Variants in RBFOX1 observed in about 807,000 individuals in gnomAD.
RBFOX1 encodes RNA binding protein fox-1 homolog 1.
A neutral mutation model predicts 57.7 loss-of-function variants in RBFOX1; 8 were observed. The observed-to-expected ratio is 0.14, with a 90% CI of 0.08 to 0.25. The LOEUF (loss-of-function observed/expected upper bound fraction) is 0.25. Ranked by LOEUF, RBFOX1 falls within the 10% of genes least tolerant of loss-of-function variation. The probability of loss-of-function intolerance (pLI) is 1.00; values close to 1 mark genes in which losing one functional copy is unlikely to be tolerated. For synonymous variants in RBFOX1, 326 were observed against 222.4 expected (o/e 1.47, Z -4.15); for missense variants, 611 against 548.5 (o/e 1.11, Z -1.14).
chr16:5,590,516 A>T (rs1466738769), intron 2 of RBFOX1, among the ~76,000 whole-genome samples: 3 of 152,188 alleles, frequency 2.0e-5, no homozygotes, highest in Admixed American at 1.3e-4. Context: ...CGGTGTCATT[A>T]TGATGAGCTT....
intron 4 of RBFOX1, among the ~76,000 whole-genome samples, chr16:7,495,255 T>G (rs2068244107): frequency 6.6e-6 from 1 of 152,232 alleles, no homozygotes; most frequent in Non-Finnish European, 1.5e-5. Context: ...TCTCTGCTGT[T>G]GTGAATATTA....
intron 4 of RBFOX1, among the ~76,000 whole-genome samples, chr16:6,009,802 A>ATGTGTGTCTGTG (rs2094949638): frequency 1.7e-5 from 1 of 58,562 alleles, no homozygotes; most frequent in Non-Finnish European, 3.2e-5. Context: ...CAGTGTGTGT[A>ATGTGTGTCTGTG]TGTGTGTGTG....
intron 3 of RBFOX1, among the ~76,000 whole-genome samples, chr16:5,635,166 C>T (rs1191750512): frequency 1.3e-5 from 2 of 152,212 alleles, no homozygotes. Flanking sequence ...GACTTTTCTG[C>T]ATAGTTACAT....
At chr16:6,889,165 C>T (rs1483995425) in intron 3 of RBFOX1, among the ~76,000 whole-genome samples, 2 of 152,136 alleles carry the variant, frequency 1.3e-5, no homozygotes, top group South Asian at 2.1e-4. Flanking sequence ...CAGTAGATCC[C>T]ATTGTTACTG....
intron 2 of RBFOX1, among the ~76,000 whole-genome samples, chr16:5,502,426 T>G (rs1597324944): frequency 6.6e-6 from 1 of 152,142 alleles, no homozygotes; most frequent in South Asian, 2.1e-4. Context: ...TGCCTGAGGG[T>G]CAGGGGGTGG....
At chr16:7,134,700 T>A (rs747780576) in intron 4 of RBFOX1, among the ~76,000 whole-genome samples, 7 of 152,222 alleles carry the variant, frequency 4.6e-5, no homozygotes, top group Non-Finnish European at 8.8e-5. Flanking sequence ...AAATCCTGAC[T>A]GTGAAAACTA....
intron 4 of RBFOX1, among the ~76,000 whole-genome samples, chr16:7,416,384 G>C (rs183702767): frequency 6.6e-4 from 100 of 152,274 alleles, no homozygotes; most frequent in South Asian, 1.7e-3. Context: ...ATTCCCTGTA[G>C]TTCTTCTCTC....
At position 7,602,023 on chromosome 16, in the gene RBFOX1, T is replaced by C. The variant is rs982920121; in HGVS notation, c.622+4592T>C. Among the ~76,000 whole-genome samples, 9 of 152,228 alleles carry C rather than the reference T, an allele frequency of 5.9e-5. 1 individual carries two copies. The highest frequency in any genetic ancestry group is 4.1e-4 in the South Asian group (2 of 4,838). On this transcript the variant is annotated intron_variant, in intron 9 of 15. Coordinates refer to ENST00000550418, the MANE Select transcript of RBFOX1 (RefSeq NM_018723.4). Reference sequence around the variant, plus strand: ...CCTTAGTATATGTCTTTAGAAAGCATTGACAGGCAGTTTTTGTAATTCCTG... The same window carrying C: ...CCTTAGTATATGTCTTTAGAAAGCACTGACAGGCAGTTTTTGTAATTCCTG...
intron 11 of RBFOX1, among the ~76,000 whole-genome samples, chr16:7,636,472 G>A (rs562925928): frequency 7.9e-5 from 12 of 152,298 alleles, no homozygotes; most frequent in South Asian, 4.1e-4. Flanking sequence ...GATAACCTAT[G>A]AATGGTTCAG....
At chr16:5,929,223 G>T (rs934632892) in intron 4 of RBFOX1, among the ~76,000 whole-genome samples, 4 of 152,072 alleles carry the variant, frequency 2.6e-5, no homozygotes, top group African/African-American at 9.7e-5. Flanking sequence ...CAGCACCTCT[G>T]TGCCACTTTC....
At chr16:7,532,857 C>G (rs1437388601) in intron 5 of RBFOX1, among the ~76,000 whole-genome samples, 2 of 152,206 alleles carry the variant, frequency 1.3e-5, no homozygotes, top group East Asian at 3.9e-4. Context: ...GTTTGACCCT[C>G]AACAGAAAAA....
intron 2 of RBFOX1, among the ~76,000 whole-genome samples, chr16:6,399,077 G>T (rs752185489): frequency 1.3e-5 from 2 of 152,204 alleles, no homozygotes; most frequent in African/African-American, 2.4e-5. Flanking sequence ...CCACGTGAAA[G>T]CTGCCAAGGC....
intron 3 of RBFOX1, among the ~76,000 whole-genome samples, chr16:6,785,934 G>A (rs1002555262): frequency 6.6e-6 from 1 of 152,296 alleles, no homozygotes; most frequent in East Asian, 1.9e-4. Context: ...GGAACCTTGT[G>A]TACATGCATG....
chr16:7,460,810 A>C (rs1480554140), intron 4 of RBFOX1, among the ~76,000 whole-genome samples: 5 of 152,186 alleles, frequency 3.3e-5, no homozygotes, highest in African/African-American at 1.2e-4. Context: ...TAGGTTCCCA[A>C]AACTGCATTT....
rs564441353 is a variant in RBFOX1, at chr16:5,763,509, A to C, written c.319-103794A>C. 2.8e-4 allele frequency among the ~76,000 whole-genome samples: 42 copies of C among 152,354 alleles called. No homozygotes were observed. The South Asian group carries it at 6.8e-3, about 25-fold the overall frequency. Reference sequence around the variant, plus strand: ...GGAGGCTCTTGGGGATGAAGGGGGCATGTCTTTACCTTTCCTTATCCCCAT... The same window carrying C: ...GGAGGCTCTTGGGGATGAAGGGGGCCTGTCTTTACCTTTCCTTATCCCCAT... On this transcript the variant is annotated intron_variant, in intron 3 of 19. Transcript: ENST00000641259.
chr16:7,346,940 T>A (rs1222926256), intron 4 of RBFOX1, among the ~76,000 whole-genome samples: 5 of 152,162 alleles, frequency 3.3e-5, no homozygotes, highest in Non-Finnish European at 1.5e-5. Flanking sequence ...GTTTACTGTG[T>A]TTTGAGGTGT....
intron 3 of RBFOX1, among the ~76,000 whole-genome samples, chr16:6,926,077 G>C (rs780470439): frequency 1.3e-5 from 2 of 151,992 alleles, no homozygotes; most frequent in Non-Finnish European, 1.5e-5. Context: ...AGGCCGAGGT[G>C]GGTTGATCAC....
chr16:7,565,386 ACAAAT>A (rs1485153611), intron 5 of RBFOX1, among the ~76,000 whole-genome samples: 9 of 152,174 alleles, frequency 5.9e-5, no homozygotes, highest in Admixed American at 5.2e-4. Context: ...TATCAGGTTT[ACAAAT>A]CAAATCAAAT....
chr16:6,941,308 T>TTCCTTCCC (rs2078452958), intron 3 of RBFOX1, among the ~76,000 whole-genome samples: 1 of 41,288 alleles, frequency 2.4e-5, no homozygotes, highest in Non-Finnish European at 5.4e-5. Context: ...CCCTCCTTCC[T>TTCCTTCCC]TCCTTCCTTC....
Sources: allele counts gnomAD v4.1 joint callset (sites outside exome capture counted in the v4.1 genomes callset), GRCh38; gene constraint gnomAD v4.1.1; transcripts MANE v1.5; gene names NCBI Gene and HGNC (gene_info 2026-07-23, HGNC 2026-07-21).